Variants in TENM3 observed in about 807,000 individuals in gnomAD.
TENM3 encodes the protein teneurin transmembrane protein 3, also known as teneurin-3.
Under a neutral mutation model 255.1 loss-of-function variants are expected in TENM3, and 63 were observed. The observed-to-expected ratio is 0.25, with a 90% confidence interval of 0.20 to 0.30. The LOEUF is 0.30. Among genes scored for constraint, TENM3 ranks in the 10% least tolerant of loss-of-function variants. The pLI is 1.00. For synonymous variants in TENM3, 1,306 were observed against 1,322.3 expected (o/e 0.99, Z 0.27); for missense variants, 2,929 against 3,461.1 (o/e 0.85, Z 3.86).
At chr4:182,448,557 T>A (rs1251355340) in intron 3 of TENM3, among the ~76,000 whole-genome samples, 1 of 152,170 alleles carries the variant, frequency 6.6e-6, no homozygotes. Flanking sequence ...AGAGATGCTT[T>A]TGTGAGCACG....
chr4:182,537,044 G>A (rs183290237), intron 3 of TENM3, among the ~76,000 whole-genome samples: 2 of 152,298 alleles, frequency 1.3e-5, no homozygotes, highest in East Asian at 3.9e-4. Context: ...CATAAATACA[G>A]TTAACTGTGT....
chr4:182,473,434 G>A (rs914736515), intron 3 of TENM3, among the ~76,000 whole-genome samples: 2 of 152,192 alleles, frequency 1.3e-5, no homozygotes, highest in African/African-American at 2.4e-5. Flanking sequence ...AGCACTTTGG[G>A]AGGCCAAGGC....
At chr4:181,794,467 G>T in the TENM3 span, among the ~76,000 whole-genome samples, 1 of 152,056 alleles carries the variant, frequency 6.6e-6, no homozygotes. Flanking sequence ...CCAGCCCCTG[G>T]CAACCGCCCT....
At chr4:182,478,093 G>A (rs1357013493) in intron 3 of TENM3, among the ~76,000 whole-genome samples, 1 of 151,934 alleles carries the variant, frequency 6.6e-6, no homozygotes, top group Non-Finnish European at 1.5e-5. Flanking sequence ...TGTTTCTGTG[G>A]AACTTAAACA....
chr4:181,553,301 T>TA, the TENM3 span, among the ~76,000 whole-genome samples: 8 of 113,808 alleles, frequency 7.0e-5, no homozygotes, highest in African/African-American at 2.2e-4. Context: ...GTGTGTGTAG[T>TA]GTGTGTGTAT....
chr4:182,537,630 C>T (rs1740468640), intron 3 of TENM3, among the ~76,000 whole-genome samples: 1 of 152,152 alleles, frequency 6.6e-6, no homozygotes, highest in African/African-American at 2.4e-5. Flanking sequence ...AAAACGTCTT[C>T]TGCCCTTTTT....
At chr4:181,935,538 C>T in the TENM3 span, among the ~76,000 whole-genome samples, 5 of 152,176 alleles carry the variant, frequency 3.3e-5, no homozygotes, top group East Asian at 9.6e-4. Flanking sequence ...GCCCAGCTAC[C>T]GGGCATCACT....
the TENM3 span, among the ~76,000 whole-genome samples, chr4:181,796,366 A>G: frequency 1.5e-4 from 23 of 152,204 alleles, 1 homozygote; most frequent in Non-Finnish European, 2.6e-4. Flanking sequence ...GAAAAGCTCA[A>G]AGAAAAGTTT....
At chr4:181,562,639 G>A in the TENM3 span, among the ~76,000 whole-genome samples, 1 of 151,818 alleles carries the variant, frequency 6.6e-6, no homozygotes, top group Non-Finnish European at 1.5e-5. Context: ...GCCTGTGATG[G>A]CAGGAAAAGG....
At chr4:181,618,469 A>C in the TENM3 span, among the ~76,000 whole-genome samples, 1 of 152,202 alleles carries the variant, frequency 6.6e-6, no homozygotes, top group African/African-American at 2.4e-5. Context: ...TGTCAGTTTT[A>C]ACTTCCTACA....
chr4:182,346,529 G>T, intron 2 of TENM3, 122 bp from the exon 3 acceptor site: 2 of 933,250 alleles, frequency 2.1e-6, no homozygotes. Context: ...GGTGCTGATC[G>T]CTGAAAAGCC....
chr4:182,620,207 T>C (rs1561013209), intron 4 of TENM3, among the ~76,000 whole-genome samples: 1 of 152,224 alleles, frequency 6.6e-6, no homozygotes, highest in Non-Finnish European at 1.5e-5. Flanking sequence ...ATAATTTCCT[T>C]GTGCGGAAAC....
intron 3 of TENM3, among the ~76,000 whole-genome samples, chr4:182,356,739 T>C (rs1002569330): frequency 2.0e-5 from 3 of 152,002 alleles, no homozygotes; most frequent in African/African-American, 4.8e-5. Context: ...TATTATACTT[T>C]AAGTTTTAGG....
intron 1 of TENM3, among the ~76,000 whole-genome samples, chr4:182,171,425 T>C (rs11945637): frequency 0.12 from 18,696 of 152,150 alleles, 1,410 homozygotes; most frequent in South Asian, 0.21. Context: ...TCATTTCTGT[T>C]TTTAAAAATG....
At chr4:181,690,378 C>A in the TENM3 span, among the ~76,000 whole-genome samples, 1 of 152,146 alleles carries the variant, frequency 6.6e-6, no homozygotes, top group Non-Finnish European at 1.5e-5. Flanking sequence ...TGTGTGGTGT[C>A]ACCACCAATA....
chr4:182,619,270 A>AC (rs764120093), intron 4 of TENM3, among the ~76,000 whole-genome samples: 7 of 145,716 alleles, frequency 4.8e-5, no homozygotes, highest in Admixed American at 6.8e-5. Context: ...TACTAAAAAT[A>AC]ATTAAAAAAA....
the TENM3 span, among the ~76,000 whole-genome samples, chr4:181,458,804 A>G: frequency 1.3e-5 from 2 of 151,958 alleles, no homozygotes; most frequent in Non-Finnish European, 2.9e-5. Flanking sequence ...GCACCAATGA[A>G]TGGGCTTTTA....
At chr4:182,718,813 G>A (rs1047663065) in intron 13 of TENM3, among the ~76,000 whole-genome samples, 10 of 152,146 alleles carry the variant, frequency 6.6e-5, no homozygotes, top group Non-Finnish European at 1.3e-4. Flanking sequence ...TTAGCCTGCT[G>A]CGAAGACTCA....
the TENM3 span, among the ~76,000 whole-genome samples, chr4:181,613,620 C>A: frequency 6.6e-6 from 1 of 152,144 alleles, no homozygotes; most frequent in African/African-American, 2.4e-5. Flanking sequence ...TCAGTTTCCT[C>A]AAATGCAAAA....
Sources: allele counts gnomAD v4.1 joint callset (sites outside exome capture counted in the v4.1 genomes callset), GRCh38; gene constraint gnomAD v4.1.1; transcripts MANE v1.5; gene names NCBI Gene and HGNC (gene_info 2026-07-23, HGNC 2026-07-21).